The following CANX variants were observed in gnomAD, a reference collection of about 807,000 sequenced individuals.
CANX encodes calnexin.
CANX carries 14 observed loss-of-function variants against 75.7 expected under a neutral mutation model. The ratio of observed to expected loss-of-function variants is 0.19; its 90% CI spans 0.12 to 0.29. The LOEUF (loss-of-function observed/expected upper bound fraction) is 0.29. CANX is among the 10% of genes least tolerant of loss of function. The pLI is 1.00. For synonymous variants in CANX, 227 were observed against 236.9 expected (o/e 0.96, Z 0.38); for missense variants, 567 against 713.2 (o/e 0.79, Z 2.34).
intron 10 of CANX, among the ~76,000 whole-genome samples, chr5:179,721,149 C>T (rs1242964415): frequency 6.6e-6 from 1 of 152,076 alleles, no homozygotes; most frequent in Non-Finnish European, 1.5e-5. Context: ...TCAGTCTCGG[C>T]ACACTGCCAC....
chr5:179,683,038 AAGCT>A, intron 1 of CANX, among the ~76,000 whole-genome samples: 1 of 152,226 alleles, frequency 6.6e-6, no homozygotes, highest in Non-Finnish European at 1.5e-5. Context: ...AGGAGCTCAC[AAGCT>A]GGGGCAGAGC....
At chr5:179,703,838 TGA>T (rs1289582036) in intron 1 of CANX, among the ~76,000 whole-genome samples, 6 of 152,072 alleles carry the variant, frequency 3.9e-5, no homozygotes, top group African/African-American at 1.4e-4. Flanking sequence ...TTTTGGGTGA[TGA>T]GTCTTCTTGT....
Position 179,731,277 on chromosome 5 carries a change from G to T in CANX, c.*2633G>T, listed in dbSNP as rs1174089762. Among the ~76,000 whole-genome samples, 1 of 152,116 alleles carries T rather than the reference G, an allele frequency of 6.6e-6. No individual in the cohort carries two copies. Among genetic ancestry groups the T allele is most frequent in the African/African-American group, 2.4e-5 (1 of 41,428 alleles). On this transcript the variant is annotated 3_prime_UTR_variant, in exon 15 of 15. Transcript: ENST00000247461. ...TGAAATTTTTATTAGAAAATTATTT[G>T]TTCAGAATCAGACTCCATTATTTTA...
rs773718862 is a variant in CANX at position 179,705,763 on chromosome 5, G to A, written c.82G>A (p.Val28Met). The A allele has an allele frequency of 5.0e-6, 8 of 1,609,436 alleles. No individual in the cohort carries two copies. The highest frequency in any genetic ancestry group is 1.7e-5 in the Admixed American group (1 of 60,010). ...GGCTCATGATGGACATGATGATGATGTGATTGATATTGAGGATGACCTTGA... is the reference window on the plus strand; with the variant it reads ...GGCTCATGATGGACATGATGATGATATGATTGATATTGAGGATGACCTTGA... Reference protein sequence around the residue: ...VEAHDGHDDDVIDIEDDLDDV... With the variant: ...VEAHDGHDDDMIDIEDDLDDV... Residue 28 changes from valine (V) to methionine (M), a missense_variant, in exon 2 of 15, where the codon GTG becomes ATG. Around this residue, in one of 3 missense-constraint regions of CANX, gnomAD observed 351 missense variants for 433.8 expected, o/e 0.81. Coordinates refer to ENST00000247461, the MANE Select transcript of CANX (RefSeq NM_001746.4).
intron 8 of CANX, among the ~76,000 whole-genome samples, chr5:179,716,634 T>G (rs1242610081): frequency 6.6e-6 from 1 of 152,224 alleles, no homozygotes; most frequent in Non-Finnish European, 1.5e-5. Flanking sequence ...TGCTAAATTT[T>G]AATTTGAAAA....
intron 1 of CANX, among the ~76,000 whole-genome samples, chr5:179,684,918 AATTTTGT>A (rs1776158079): frequency 1.0e-5 from 1 of 96,762 alleles, no homozygotes; most frequent in African/African-American, 4.3e-5. Context: ...ACACCTGGCT[AATTTTGT>A]ATTTTTTTTT....
chr5:179,720,587 C>T (rs779144424), intron 10 of CANX, 27 bp downstream of exon 10: 23 of 1,605,668 alleles, frequency 1.4e-5, no homozygotes, highest in Admixed American at 1.7e-5. Context: ...GGTTGAGTTG[C>T]TTTCATTAAT....
In CANX at chr5:179,682,272, GATTAA is replaced by G. The variant is rs201624269; in HGVS notation, c.-4+3501_-4+3505del. On this transcript the variant is annotated intron_variant, in intron 1 of 14. Coordinates refer to the CANX transcript ENST00000681674. ...CATCTCAAAAAAAAAAAAAAGGAAT[GATTAA>G]ATTAATAAGAATATCCAGGCCGGGC... is the stretch of plus-strand genomic sequence containing the variant. Among the ~76,000 whole-genome samples, 1,301 of 149,150 alleles carry G rather than the reference GATTAA, an allele frequency of 8.7e-3. 30 individuals carry two copies. Among genetic ancestry groups the G allele is most frequent in the African/African-American group, 0.031 (1,252 of 40,668 alleles).
intron 7 of CANX, chr5:179,715,856 T>C (rs1422901732): frequency 1.8e-6 from 1 of 549,186 alleles, no homozygotes; most frequent in African/African-American, 1.9e-5. Context: ...AAGTCAAGTC[T>C]TTGGTGTTAA....
chr5:179,699,005 G>C lies in CANX; in HGVS notation c.-101G>C. On this transcript the variant is annotated 5_prime_UTR_variant, in exon 1 of 15. Transcript: ENST00000247461. ...GCCTCTTGGTTCTGCGGCACGTGAC[G>C]GTCGGGCCGCCTCCGCCTCTCTCTT... 1 of 1,120,306 alleles carries C rather than the reference G, an allele frequency of 8.9e-7. No homozygotes were observed. The highest frequency in any genetic ancestry group is 1.1e-6 in the Non-Finnish European group (1 of 909,644). The allele number at this position is 1,120,306 out of a possible 1,614,324, so 69.4% of individuals were successfully genotyped here.
chr5:179,712,104 C>CAA (rs11449782), intron 7 of CANX, among the ~76,000 whole-genome samples: 64 of 138,934 alleles, frequency 4.6e-4, no homozygotes, highest in South Asian at 2.5e-3. Flanking sequence ...TCCCCCACTC[C>CAA]AAAAAAAAAG....
At chr5:179,724,442 C>T (rs887988921) in intron 12 of CANX, among the ~76,000 whole-genome samples, 1 of 152,102 alleles carries the variant, frequency 6.6e-6, no homozygotes. Context: ...CTGCCTGGCC[C>T]TTTTGTTTTT....
intron 14 of CANX, among the ~76,000 whole-genome samples, chr5:179,727,914 C>T (rs1407336689): frequency 2.6e-5 from 4 of 152,182 alleles, no homozygotes; most frequent in Non-Finnish European, 5.9e-5. Flanking sequence ...TACCCAGCAC[C>T]TCTGTGTCTA....
In CANX at chr5:179,716,235, C is replaced by T. The variant is rs201335801; in HGVS notation, c.852C>T (p.Pro284=). 153 of 1,614,106 alleles carry T rather than the reference C, an allele frequency of 9.5e-5. No individual in the cohort carries two copies. In the Admixed American group the frequency reaches 2.0e-3, roughly 21 times the overall value. The change falls in exon 8 of 15, where the codon CCC becomes CCT. Residue 284 remains proline (P), a synonymous_variant. Coordinates refer to ENST00000247461, the MANE Select transcript of CANX (RefSeq NM_001746.4). ...REIEDPEDRK[P]EDWDERPKIP... The stretch of plus-strand genomic sequence containing the variant: ...TTGAGGACCCAGAAGACCGGAAGCC[C>T]GAGGATTGGGATGAAAGACCAAAAA...
chr5:179,695,890 G>A (rs1391306193), upstream of CANX, among the ~76,000 whole-genome samples: 5 of 151,484 alleles, frequency 3.3e-5, no homozygotes, highest in Admixed American at 1.3e-4. Context: ...CACCCGCCTC[G>A]GCCTCCCAAA....
chr5:179,706,526 CT>C (rs1777152308), intron 3 of CANX, among the ~76,000 whole-genome samples, 195 bp downstream of exon 3: 1 of 152,076 alleles, frequency 6.6e-6, no homozygotes, highest in African/African-American at 2.4e-5. Flanking sequence ...TCATTGCCAC[CT>C]CCGTCTCCTG....
chr5:179,715,061 G>T (rs532712772), intron 7 of CANX, among the ~76,000 whole-genome samples: 1 of 152,130 alleles, frequency 6.6e-6, no homozygotes, highest in Non-Finnish European at 1.5e-5. Flanking sequence ...CACCACACCC[G>T]TTTCTTAACA....
Position 179,722,789 on chromosome 5 carries a change from C to T in CANX, c.1183-15C>T, listed in dbSNP as rs1426796324. ...CATTATCTGAAATGATTTTCTGAAA[C>T]ATTTTTTTTTCTAGGGAATCTGGAA... On this transcript the variant is annotated splice_polypyrimidine_tract_variant and intron_variant, in intron 10 of 14. Transcript: ENST00000247461. 4 of 1,542,118 alleles carry T rather than the reference C, an allele frequency of 2.6e-6. No individual in the cohort carries two copies. The highest frequency in any genetic ancestry group is 3.6e-6 in the Non-Finnish European group (4 of 1,120,174).
chr5:179,683,129 A>C (rs914334001), intron 1 of CANX, among the ~76,000 whole-genome samples: 4 of 148,160 alleles, frequency 2.7e-5, no homozygotes, highest in African/African-American at 9.9e-5. Flanking sequence ...AACTACATTT[A>C]TTTATTTATT....
Sources: allele counts gnomAD v4.1 joint callset (sites outside exome capture counted in the v4.1 genomes callset), GRCh38; gene constraint gnomAD v4.1.1; regional missense constraint gnomAD v4.1.1; transcripts MANE v1.5; gene names NCBI Gene and HGNC (gene_info 2026-07-23, HGNC 2026-07-21).